MALRD1: variants seen among roughly 807,000 people sequenced by gnomAD.
The protein encoded by MALRD1 is MAM and LDL receptor class A domain containing 1.
A neutral mutation model predicts 242.1 loss-of-function variants in MALRD1; 247 were observed. That is an observed-to-expected ratio of 1.02 (90% CI 0.92 to 1.13). The LOEUF is 1.13. Among genes scored for constraint, MALRD1 ranks in the 50% most tolerant of loss-of-function variants. The pLI is 0.00. For synonymous variants in MALRD1, 995 were observed against 866.6 expected (o/e 1.15, Z -2.60); for missense variants, 2,989 against 2,533.1 (o/e 1.18, Z -3.86).
At chr10:19,606,879 T>C (rs1838661251) in intron 34 of MALRD1, among the ~76,000 whole-genome samples, 1 of 152,170 alleles carries the variant, frequency 6.6e-6, no homozygotes, top group South Asian at 2.1e-4. Flanking sequence ...GCCTCTTCTT[T>C]CTAGGAAGTT....
chr10:19,581,917 C>G (rs1263300907), intron 33 of MALRD1, among the ~76,000 whole-genome samples: 4 of 152,206 alleles, frequency 2.6e-5, no homozygotes, highest in Non-Finnish European at 5.9e-5. Context: ...CCCATTCTAA[C>G]TGGTGTGAAA....
intron 24 of MALRD1, among the ~76,000 whole-genome samples, chr10:19,337,862 A>G (rs1588932430): frequency 6.6e-6 from 1 of 151,926 alleles, no homozygotes; most frequent in East Asian, 1.9e-4. Context: ...GGAGATCAAG[A>G]CCATCCTAGC....
At chr10:19,511,456 T>C (rs573403182) in intron 31 of MALRD1, among the ~76,000 whole-genome samples, 3 of 152,354 alleles carry the variant, frequency 2.0e-5, no homozygotes, top group Non-Finnish European at 4.4e-5. Flanking sequence ...AATCATAGCA[T>C]GGTTAGAGCC....
intron 21 of MALRD1, among the ~76,000 whole-genome samples, chr10:19,304,120 G>A (rs550580298): frequency 6.6e-6 from 1 of 151,798 alleles, no homozygotes; most frequent in South Asian, 2.1e-4. Context: ...CTCACCAAGT[G>A]AGCAGGCACC....
At chr10:19,504,695 AGACG>A (rs1172288227) in intron 31 of MALRD1, among the ~76,000 whole-genome samples, 23 of 42,560 alleles carry the variant, frequency 5.4e-4, no homozygotes, top group African/African-American at 2.2e-3. Flanking sequence ...TTTTTTTTTG[AGACG>A]GAGTCTCGCT....
chr10:19,238,571 C>T (rs368295256), intron 18 of MALRD1, among the ~76,000 whole-genome samples: 19 of 61,198 alleles, frequency 3.1e-4, no homozygotes, highest in Middle Eastern at 0.011. Flanking sequence ...ATATAATATA[C>T]ATAATGTATA....
rs1490452348 is a variant in MALRD1, at chr10:19,324,085, G to A, written c.3556G>A (p.Ala1186Thr). 2 of 1,550,190 alleles carry A rather than the reference G, an allele frequency of 1.3e-6. No individual in the cohort carries two copies. The highest frequency in any genetic ancestry group is 1.4e-5 in the African/African-American group (1 of 73,118). ...GGTGTTCTGGACACATATGAATGGG[G>A]CCACCGTTGGTTCTCTCCAGGTACT... is the stretch of plus-strand genomic sequence containing the variant. The part of the protein sequence containing the change: ...TLVFWTHMNG[A>T]TVGSLQVLIK... Residue 1186 changes from alanine (A) to threonine (T), a missense_variant, in exon 22 of 40, where the codon GCC (alanine) becomes ACC (threonine). Physicochemically the swap from Ala to Thr is moderately conservative, Grantham distance 58 (BLOSUM62 0). Transcript: ENST00000454679.
intron 21 of MALRD1, among the ~76,000 whole-genome samples, chr10:19,318,893 A>ACAT (rs938933222): frequency 2.2e-4 from 33 of 152,132 alleles, no homozygotes; most frequent in South Asian, 2.1e-4. Flanking sequence ...AAATATATCA[A>ACAT]CATTTTGGGA....
At chr10:19,304,979 A>G (rs1842102724) in intron 21 of MALRD1, among the ~76,000 whole-genome samples, 1 of 151,726 alleles carries the variant, frequency 6.6e-6, no homozygotes, top group Non-Finnish European at 1.5e-5. Flanking sequence ...AAAAGTATTG[A>G]CAAAGCATCC....
chr10:19,232,382 G>A (rs1034699794), intron 18 of MALRD1, among the ~76,000 whole-genome samples: 2 of 151,048 alleles, frequency 1.3e-5, no homozygotes, highest in Non-Finnish European at 3.0e-5. Flanking sequence ...TTCAGCATGT[G>A]GGCAAGGCCA....
intron 5 of MALRD1, among the ~76,000 whole-genome samples, chr10:19,118,732 T>G (rs1391963313): frequency 6.6e-6 from 1 of 152,196 alleles, no homozygotes; most frequent in African/African-American, 2.4e-5. Context: ...GTTTTACAGG[T>G]TAACTTCGGA....
rs943115066 is a variant in MALRD1 at position 19,088,455 on chromosome 10, C to A, written c.597+270C>A. Among the ~76,000 whole-genome samples the A allele has an allele frequency of 8.0e-5, 12 of 150,922 alleles. 1 individual carries two copies. The highest frequency in any genetic ancestry group is 5.9e-4 in the Admixed American group (9 of 15,162). ...ATACTAATATATCAGTAAAATATAA[C>A]CTTTTAATTTTCTCCTAATTTCTTG... On this transcript the variant is annotated intron_variant, in intron 4 of 39. Coordinates refer to ENST00000454679, the MANE Select transcript of MALRD1 (RefSeq NM_001142308.3).
chr10:19,604,262 G>A (rs1340586044), intron 34 of MALRD1, among the ~76,000 whole-genome samples: 2 of 152,176 alleles, frequency 1.3e-5, no homozygotes, highest in Admixed American at 6.6e-5. Flanking sequence ...TATGTCTGCT[G>A]AACCCTGGAA....
Position 19,181,192 on chromosome 10 carries a change from A to C in MALRD1, c.1951+5864A>C, listed in dbSNP as rs186812724. Among the ~76,000 whole-genome samples the C allele has an allele frequency of 2.6e-5, 4 of 152,334 alleles. No individual in the cohort carries two copies. In the East Asian group the frequency reaches 7.7e-4, roughly 29 times the overall value. On this transcript the variant is annotated intron_variant, in intron 14 of 39. Transcript: ENST00000454679. ...TAGCAATAAAACTACCCTATGATTT[A>C]GCAATCTCTCTTTTGGGTATATACC...
At chr10:19,589,478 C>T (rs190146690) in intron 33 of MALRD1, among the ~76,000 whole-genome samples, 14 of 152,192 alleles carry the variant, frequency 9.2e-5, no homozygotes, top group African/African-American at 2.9e-4. Flanking sequence ...TTGCTGATTC[C>T]AACACACTTG....
intron 12 of MALRD1, among the ~76,000 whole-genome samples, chr10:19,156,254 T>C (rs759555329): frequency 6.6e-6 from 1 of 152,154 alleles, no homozygotes; most frequent in Admixed American, 6.5e-5. Flanking sequence ...ATGGTGTCCA[T>C]AGATACTTTC....
At chr10:19,102,777 G>A (rs1836314799) in intron 4 of MALRD1, among the ~76,000 whole-genome samples, 1 of 152,074 alleles carries the variant, frequency 6.6e-6, no homozygotes, top group Admixed American at 6.6e-5. Flanking sequence ...AAGTTTCTCA[G>A]ATCAATCATA....
In MALRD1 at chr10:19,491,605, T is replaced by C. The variant is rs1193248693; in HGVS notation, c.5118T>C (p.Tyr1706=). 1.3e-6 allele frequency: 2 copies of C among 1,550,100 alleles called. No homozygotes were observed. The highest frequency in any genetic ancestry group is 2.7e-5 in the African/African-American group (2 of 73,068). The change falls in exon 30 of 40, where the codon TAT becomes TAC. Residue 1706 remains tyrosine (Y), a synonymous_variant. Coordinates refer to ENST00000454679, the MANE Select transcript of MALRD1 (RefSeq NM_001142308.3). ...KCIASHLLCD[Y]KPDCSDRSDE... Reference sequence around the variant, plus strand: ...TTGCATCCCACCTTCTTTGTGACTATAAGCCAGACTGCTCTGATAGGTCTG... The same window carrying C: ...TTGCATCCCACCTTCTTTGTGACTACAAGCCAGACTGCTCTGATAGGTCTG...
At chr10:19,537,016 G>A (rs959493524) in intron 32 of MALRD1, among the ~76,000 whole-genome samples, 2 of 152,116 alleles carry the variant, frequency 1.3e-5, no homozygotes, top group African/African-American at 2.4e-5. Flanking sequence ...ACTGCTCTAA[G>A]CAGAGGTTGC....
Sources: allele counts gnomAD v4.1 joint callset (sites outside exome capture counted in the v4.1 genomes callset), GRCh38; gene constraint gnomAD v4.1.1; transcripts MANE v1.5; gene names NCBI Gene and HGNC (gene_info 2026-07-23, HGNC 2026-07-21).